The following TRIM33 variants were observed in gnomAD, a reference collection of about 807,000 sequenced individuals.
The protein encoded by TRIM33 is E3 ubiquitin-protein ligase TRIM33.
Under a neutral mutation model 125.4 loss-of-function variants are expected in TRIM33, and 20 were observed. The observed-to-expected ratio is 0.16, with a 90% CI of 0.11 to 0.23. The LOEUF (loss-of-function observed/expected upper bound fraction) is 0.23, where lower values mean the gene tolerates loss of function less well. TRIM33 is among the 10% of genes least tolerant of loss of function. The pLI is 1.00. For synonymous variants in TRIM33, 564 were observed against 513.9 expected (o/e 1.10, Z -1.32); for missense variants, 920 against 1,411.4 (o/e 0.65, Z 5.58).
intron 13 of TRIM33, among the ~76,000 whole-genome samples, chr1:114,408,301 GT>G (rs1028467395): frequency 6.6e-6 from 1 of 150,682 alleles, no homozygotes; most frequent in Non-Finnish European, 1.5e-5. Context: ...AAATCATCTG[GT>G]TTTTTTTTCA....
In TRIM33 at chr1:114,395,411, T is replaced by C. The variant is rs1020817304; in HGVS notation, c.*2237A>G. The stretch of plus-strand genomic sequence containing the variant: ...AAGGCCCCAAATACTGAAAAATATT[T>C]ACTTAAAATGTTTCTCCCCTCAGTT... On this transcript the variant is annotated 3_prime_UTR_variant, in exon 20 of 20. Transcript: ENST00000358465. The C allele has an allele frequency of 5.0e-6, 1 of 198,906 alleles. No individual in the cohort carries two copies. The highest frequency in any genetic ancestry group is 2.3e-5 in the African/African-American group (1 of 43,454). The allele number at this position is 198,906 out of a possible 1,614,324, so 12.3% of individuals were successfully genotyped here.
chr1:114,468,097 C>T (rs1227500904), intron 1 of TRIM33, among the ~76,000 whole-genome samples: 3 of 152,194 alleles, frequency 2.0e-5, no homozygotes, highest in Non-Finnish European at 4.4e-5. Flanking sequence ...GTGCCAGAAA[C>T]CTCAAACTGG....
At chr1:114,489,463 G>A (rs1651916125) in intron 1 of TRIM33, among the ~76,000 whole-genome samples, 1 of 152,088 alleles carries the variant, frequency 6.6e-6, no homozygotes, top group African/African-American at 2.4e-5. Flanking sequence ...AACTTTTGTG[G>A]CCAAGTGCAG....
At chr1:114,462,904 T>G (rs1251955018) in intron 4 of TRIM33, among the ~76,000 whole-genome samples, 200 bp downstream of exon 4, 3 of 152,156 alleles carry the variant, frequency 2.0e-5, no homozygotes, top group African/African-American at 7.2e-5. Context: ...TTAACAAACA[T>G]TCATAAGACA....
intron 1 of TRIM33, among the ~76,000 whole-genome samples, chr1:114,501,571 C>T (rs1244460861): frequency 6.6e-6 from 1 of 152,112 alleles, no homozygotes; most frequent in Non-Finnish European, 1.5e-5. Context: ...CGGAGACCAG[C>T]CTTGAGCAAC....
chr1:114,409,221 G>A (rs1024534727), intron 12 of TRIM33, among the ~76,000 whole-genome samples: 1 of 152,050 alleles, frequency 6.6e-6, no homozygotes, highest in African/African-American at 2.4e-5. Context: ...TTTAATTTAC[G>A]TTAGAAAAAT....
chr1:114,509,666 T>C (rs1048692482), intron 1 of TRIM33, among the ~76,000 whole-genome samples: 10 of 152,206 alleles, frequency 6.6e-5, no homozygotes, highest in Non-Finnish European at 1.5e-4. Context: ...GAGGTACTCA[T>C]TCTTCAAGAA....
intron 4 of TRIM33, among the ~76,000 whole-genome samples, chr1:114,456,062 G>C (rs932859807): frequency 1.3e-5 from 2 of 152,290 alleles, no homozygotes; most frequent in Non-Finnish European, 2.9e-5. Flanking sequence ...TGGGATTAAG[G>C]TAAACATTTA....
At chr1:114,495,442 C>CA (rs1652315323) in intron 1 of TRIM33, among the ~76,000 whole-genome samples, 2 of 152,060 alleles carry the variant, frequency 1.3e-5, no homozygotes, top group Non-Finnish European at 2.9e-5. Context: ...TTTAATTGGG[C>CA]AAAACTTCAT....
intron 17 of TRIM33, among the ~76,000 whole-genome samples, chr1:114,401,037 T>C (rs532841900): frequency 1.3e-3 from 191 of 151,834 alleles, no homozygotes; most frequent in Non-Finnish European, 2.1e-3. Context: ...TCTTTTTTTT[T>C]TTTTTCTTTT....
At chr1:114,508,916 G>C (rs898556971) in intron 1 of TRIM33, among the ~76,000 whole-genome samples, 1 of 152,100 alleles carries the variant, frequency 6.6e-6, no homozygotes, top group African/African-American at 2.4e-5. Flanking sequence ...GCTAAGAAAA[G>C]GTCATCTGCC....
At chr1:114,487,086 CAAA>C (rs60855013) in intron 1 of TRIM33, among the ~76,000 whole-genome samples, 4 of 118,390 alleles carry the variant, frequency 3.4e-5, no homozygotes, top group Admixed American at 8.7e-5. Context: ...GACTCTGTCT[CAAA>C]AAAAAAAAAA....
intron 1 of TRIM33, among the ~76,000 whole-genome samples, chr1:114,491,914 A>G (rs974645069): frequency 1.3e-5 from 2 of 152,198 alleles, no homozygotes; most frequent in African/African-American, 4.8e-5. Flanking sequence ...TTTTCTCCAT[A>G]AAGCACAAAC....
At chr1:114,398,925 AC>A (rs1557839407) in intron 18 of TRIM33, among the ~76,000 whole-genome samples, 62 of 147,278 alleles carry the variant, frequency 4.2e-4, no homozygotes, top group Admixed American at 1.1e-3. Flanking sequence ...ACAAAACAAA[AC>A]AAAACAAAAA....
chr1:114,425,136 A>C (rs1478157885), intron 9 of TRIM33, among the ~76,000 whole-genome samples: 4 of 152,236 alleles, frequency 2.6e-5, no homozygotes, highest in Non-Finnish European at 5.9e-5. Context: ...GATCCTAGGC[A>C]GAAACAGTCT....
chr1:114,479,115 C>A (rs1205408802), intron 1 of TRIM33, among the ~76,000 whole-genome samples: 1 of 151,782 alleles, frequency 6.6e-6, no homozygotes, highest in Admixed American at 6.6e-5. Flanking sequence ...TCAATCCAAT[C>A]AAAAAAATCA....
chr1:114,399,083 T>A (rs1651722644), intron 18 of TRIM33, among the ~76,000 whole-genome samples: 1 of 152,062 alleles, frequency 6.6e-6, no homozygotes, highest in African/African-American at 2.4e-5. Flanking sequence ...TCTACATTCA[T>A]GTTGTCAATA....
Position 114,393,339 on chromosome 1 carries a change from C to T in TRIM33, c.*4309G>A, listed in dbSNP as rs1651378937. ...TTTTTCAGAACAAGGAGCAGACATGCATTCCATCCTTAAGATTGAAATTTA... is the reference window on the plus strand; with the variant it reads ...TTTTTCAGAACAAGGAGCAGACATGTATTCCATCCTTAAGATTGAAATTTA... On this transcript the variant is annotated 3_prime_UTR_variant, in exon 20 of 20. Transcript: ENST00000358465. The T allele has an allele frequency of 5.0e-6, 1 of 199,726 alleles. No homozygotes were observed. Among genetic ancestry groups the T allele is most frequent in the Admixed American group, 6.0e-5 (1 of 16,542 alleles). 12.4% of individuals were successfully genotyped at this position (199,726 alleles called of 1,614,324 possible).
Position 114,425,711 on chromosome 1 carries a change from A to G in TRIM33, c.1433T>C (p.Ile478Thr), listed in dbSNP as rs370854689. Residue 478 changes from isoleucine to threonine, a missense_variant, in exon 9 of 20, where the codon ATA becomes ACA. Ile to Thr is a moderately conservative substitution (Grantham distance 89, BLOSUM62 -1). Coordinates refer to ENST00000358465, the MANE Select transcript of TRIM33 (RefSeq NM_015906.4). The part of the protein sequence containing the change: ...KNVVNLGNLV[I>T]ESKPAPGYTP... The stretch of plus-strand genomic sequence containing the variant: ...ATAACCAGGAGCTGGTTTACTCTCT[A>G]TTACTAGATTACCTGAAAAATTTAA... 2.6e-5 allele frequency: 41 copies of G among 1,590,966 alleles called. No individual in the cohort carries two copies. The highest frequency in any genetic ancestry group is 3.4e-5 in the Non-Finnish European group (40 of 1,168,836).
Sources: allele counts gnomAD v4.1 joint callset (sites outside exome capture counted in the v4.1 genomes callset), GRCh38; gene constraint gnomAD v4.1.1; transcripts MANE v1.5; gene names NCBI Gene and HGNC (gene_info 2026-07-23, HGNC 2026-07-21).